Variants in VWA3B observed in about 807,000 individuals in gnomAD.
VWA3B encodes the protein von Willebrand factor A domain-containing protein 3B.
In VWA3B, 138 loss-of-function variants were observed where a neutral mutation model predicts 158.3. That is an observed-to-expected ratio of 0.87 (90% CI 0.76 to 1.00). The LOEUF is 1.00. Ranked by LOEUF, VWA3B falls within the 50% of genes least tolerant of loss-of-function variation. The probability of loss-of-function intolerance (pLI) is 0.00; values close to 1 mark genes in which losing one functional copy is unlikely to be tolerated. For synonymous variants in VWA3B, 596 were observed against 587.3 expected (o/e 1.01, Z -0.21); for missense variants, 1,555 against 1,565.1 (o/e 0.99, Z 0.11).
At chr2:98,177,470 GTGAA>G (rs143118757) in intron 8 of VWA3B, among the ~76,000 whole-genome samples, 122 of 152,306 alleles carry the variant, frequency 8.0e-4, no homozygotes, top group African/African-American at 2.9e-3. Flanking sequence ...AGTGACGCTA[GTGAA>G]TGGATGATGC....
intron 7 of VWA3B, among the ~76,000 whole-genome samples, chr2:98,136,463 G>T (rs558016810): frequency 6.6e-6 from 1 of 152,238 alleles, no homozygotes; most frequent in Non-Finnish European, 1.5e-5. Context: ...AGTTCTGGAG[G>T]CTGGGGAATC....
At chr2:98,322,856 C>T in the VWA3B span, among the ~76,000 whole-genome samples, 1 of 151,914 alleles carries the variant, frequency 6.6e-6, no homozygotes, top group African/African-American at 2.4e-5. Flanking sequence ...AATTTGAAGC[C>T]ATAAGAACAG....
intron 7 of VWA3B, among the ~76,000 whole-genome samples, chr2:98,156,666 G>GTT (rs34156416): frequency 1.1e-4 from 13 of 113,088 alleles, no homozygotes; most frequent in Non-Finnish European, 1.5e-4. Context: ...AAAAAACTCA[G>GTT]TTTTTTTTTT....
At chr2:98,112,891 C>G (rs1674252160) in intron 2 of VWA3B, among the ~76,000 whole-genome samples, 2 of 151,824 alleles carry the variant, frequency 1.3e-5, no homozygotes, top group Admixed American at 6.6e-5. Context: ...GACAGATTTT[C>G]TAGGTTACTA....
chr2:98,204,798 C>T (rs1402315257), intron 12 of VWA3B, among the ~76,000 whole-genome samples: 1 of 152,114 alleles, frequency 6.6e-6, no homozygotes, highest in Admixed American at 6.6e-5. Flanking sequence ...GTTAATTCTC[C>T]TTTGAATGTT....
intron 2 of VWA3B, among the ~76,000 whole-genome samples, chr2:98,107,515 A>G (rs1354101555): frequency 6.6e-6 from 1 of 152,126 alleles, no homozygotes; most frequent in African/African-American, 2.4e-5. Flanking sequence ...AGGCCTGGAG[A>G]TTCCTTTTTG....
intron 26 of VWA3B, among the ~76,000 whole-genome samples, chr2:98,305,525 T>C (rs1481081648): frequency 6.6e-6 from 1 of 152,178 alleles, no homozygotes; most frequent in African/African-American, 2.4e-5. Context: ...GGAAGGGCAT[T>C]GTTTCCAACC....
chr2:98,304,135 T>A (rs1481344029), intron 26 of VWA3B, among the ~76,000 whole-genome samples: 3 of 152,132 alleles, frequency 2.0e-5, no homozygotes, highest in Admixed American at 1.3e-4. Flanking sequence ...CCTACCTACC[T>A]CTCCCCTTGC....
intron 8 of VWA3B, among the ~76,000 whole-genome samples, chr2:98,170,287 A>G (rs1270116613): frequency 6.6e-6 from 1 of 152,226 alleles, no homozygotes; most frequent in Non-Finnish European, 1.5e-5. Context: ...CATTAGTCGA[A>G]TCACATTGTG....
the VWA3B span, among the ~76,000 whole-genome samples, chr2:98,322,662 C>T: frequency 6.6e-6 from 1 of 152,158 alleles, no homozygotes; most frequent in Non-Finnish European, 1.5e-5. Flanking sequence ...GCTTGGGCAG[C>T]AGTAATCTAA....
chr2:98,254,085 C>T (rs912062245), intron 20 of VWA3B, among the ~76,000 whole-genome samples: 1 of 152,164 alleles, frequency 6.6e-6, no homozygotes, highest in Admixed American at 6.5e-5. Context: ...CCCACATTTA[C>T]CAATGATTAC....
chr2:98,170,609 ATT>A (rs34549342), intron 8 of VWA3B, among the ~76,000 whole-genome samples: 2 of 146,202 alleles, frequency 1.4e-5, no homozygotes, highest in African/African-American at 2.5e-5. Context: ...AGTTAGGAAG[ATT>A]TTTTTTTTTT....
intron 23 of VWA3B, among the ~76,000 whole-genome samples, chr2:98,295,915 G>A (rs1205552083): frequency 1.3e-5 from 2 of 152,176 alleles, no homozygotes; most frequent in Non-Finnish European, 2.9e-5. Flanking sequence ...GGGGGCCCTC[G>A]AGGCCAGGTT....
chr2:98,298,422 C>CTATTCTATTA (rs1558773704), intron 24 of VWA3B, among the ~76,000 whole-genome samples: 13 of 151,522 alleles, frequency 8.6e-5, no homozygotes, highest in Middle Eastern at 3.4e-3. Flanking sequence ...CTATTCTATT[C>CTATTCTATTA]TATTCTATTC....
At chr2:98,156,806 C>T (rs1678121462) in intron 7 of VWA3B, among the ~76,000 whole-genome samples, 1 of 151,074 alleles carries the variant, frequency 6.6e-6, no homozygotes, top group African/African-American at 2.4e-5. Flanking sequence ...TAGATTTATT[C>T]AGCTAAACTT....
At chr2:98,107,220 G>T (rs1673736145) in intron 2 of VWA3B, among the ~76,000 whole-genome samples, 1 of 151,960 alleles carries the variant, frequency 6.6e-6, no homozygotes. Flanking sequence ...ATTATACATT[G>T]CAGAATTCAA....
intron 10 of VWA3B, among the ~76,000 whole-genome samples, chr2:98,191,357 C>T (rs547074110): frequency 4.6e-5 from 7 of 152,234 alleles, no homozygotes; most frequent in South Asian, 4.1e-4. Flanking sequence ...TGGTTTGGAT[C>T]GTATTTTCCT....
chr2:98,107,518 C>T (rs182173076), intron 2 of VWA3B, among the ~76,000 whole-genome samples: 1 of 152,068 alleles, frequency 6.6e-6, no homozygotes. Context: ...CCTGGAGATT[C>T]CTTTTTGAAG....
chr2:98,308,043 G>A lies in VWA3B; in HGVS notation c.3522-3776G>A, dbSNP rs758861439. On this transcript the variant is annotated intron_variant, in intron 26 of 27. Transcript: ENST00000477737. ...GGGCTCAAAACTAATTGAACACAGC[G>A]AAATCTGATGCACATTTTCATTTTC... Among the ~76,000 whole-genome samples, 4 of 152,232 alleles carry A rather than the reference G, an allele frequency of 2.6e-5. No individual in the cohort carries two copies. In the South Asian group the frequency reaches 6.2e-4, roughly 24 times the overall value.
Sources: allele counts gnomAD v4.1 joint callset (sites outside exome capture counted in the v4.1 genomes callset), GRCh38; gene constraint gnomAD v4.1.1; transcripts MANE v1.5; gene names NCBI Gene and HGNC (gene_info 2026-07-23, HGNC 2026-07-21).